VPS37A: variants seen among roughly 807,000 people sequenced by gnomAD.
The protein encoded by VPS37A is VPS37A subunit of ESCRT-I.
VPS37A carries 30 observed loss-of-function variants against 49.8 expected under a neutral mutation model. That is an observed-to-expected ratio of 0.60 (90% CI 0.45 to 0.82). The LOEUF (loss-of-function observed/expected upper bound fraction) is 0.82, where lower values mean the gene tolerates loss of function less well. VPS37A is among the 40% of genes least tolerant of loss of function. VPS37A has a pLI of 0.00. For synonymous variants in VPS37A, 195 were observed against 160.6 expected (o/e 1.21, Z -1.62); for missense variants, 593 against 464.4 (o/e 1.28, Z -2.55).
In VPS37A at chr8:17,280,097, A is replaced by G. The variant is rs972824815; in HGVS notation, c.783A>G (p.Gln261=). ...VLLEQFLTLP[Q]LKQIITDKDD... ...TAGAACAGTTTCTGACTTTGCCTCA[A>G]CTAAAACAAATTATTACCGACAAAG... The change falls in exon 7 of 12, where the codon CAA becomes CAG. Residue 261 remains glutamine, a synonymous_variant. Coordinates refer to ENST00000324849, the MANE Select transcript of VPS37A (RefSeq NM_152415.3). 6.2e-7 allele frequency: 1 copy of G among 1,612,690 alleles called. No individual in the cohort carries two copies. Among genetic ancestry groups the G allele is most frequent in the South Asian group, 1.1e-5 (1 of 90,984 alleles).
the VPS37A span, chr8:17,313,182 G>T: frequency 1.4e-6 from 1 of 702,886 alleles, no homozygotes; most frequent in Non-Finnish European, 2.4e-6. Context: ...TGGCTATCCA[G>T]TCAGTGCAGT....
chr8:17,314,097 A>G, the VPS37A span, among the ~76,000 whole-genome samples: 18 of 152,198 alleles, frequency 1.2e-4, no homozygotes, highest in African/African-American at 3.9e-4. Context: ...ATAATATTAT[A>G]AACCACCAAC....
chr8:17,254,682 G>C (rs1218327037), intron 1 of VPS37A, among the ~76,000 whole-genome samples: 1 of 149,414 alleles, frequency 6.7e-6, no homozygotes, highest in Non-Finnish European at 1.5e-5. Flanking sequence ...CTTTCTGTTT[G>C]TCAGTTTGCT....
chr8:17,287,189 C>T (rs1197947805), intron 11 of VPS37A, among the ~76,000 whole-genome samples: 7 of 152,014 alleles, frequency 4.6e-5, no homozygotes, highest in Non-Finnish European at 1.0e-4. Context: ...AAGAATAGTT[C>T]CCACCCCAAC....
chr8:17,257,498 T>G (rs1812580921), intron 1 of VPS37A, among the ~76,000 whole-genome samples: 1 of 151,728 alleles, frequency 6.6e-6, no homozygotes, highest in South Asian at 2.1e-4. Context: ...TCAGGGGGCG[T>G]TAGGGGAGGG....
At chr8:17,304,646 G>A, downstream of VPS37A, 3 of 907,158 alleles carry the variant, frequency 3.3e-6, no homozygotes, top group South Asian at 5.1e-5. Context: ...TCGATAGCAG[G>A]TAAATGTATC....
At chr8:17,253,863 G>C (rs1269678433) in intron 1 of VPS37A, among the ~76,000 whole-genome samples, 1 of 152,174 alleles carries the variant, frequency 6.6e-6, no homozygotes, top group Non-Finnish European at 1.5e-5. Context: ...AAGTGGATCA[G>C]CATTCTCCAA....
At chr8:17,256,735 C>T in intron 1 of VPS37A, among the ~76,000 whole-genome samples, 1 of 151,882 alleles carries the variant, frequency 6.6e-6, no homozygotes, top group East Asian at 1.9e-4. Context: ...TCACCACAAC[C>T]TCCGCCTCCC....
intron 2 of VPS37A, among the ~76,000 whole-genome samples, chr8:17,266,354 T>C (rs1317253904): frequency 6.6e-6 from 1 of 152,204 alleles, no homozygotes; most frequent in Non-Finnish European, 1.5e-5. Flanking sequence ...AGTTAAAATA[T>C]TCCAAATTTC....
chr8:17,286,426 A>T lies in VPS37A; in HGVS notation c.1193A>T (p.Ter398LeuextTer6). ...CACAGCCAATTTCATGCTCCACTAT[A>T]GGTAAATTGTATTTCAAGTTTGAGT... ...AMHSQFHAPL[*>L] is the part of the protein sequence containing the mutation. Residue 398 changes from the stop codon to leucine, a stop_lost and splice_region_variant, in exon 11 of 12, where the codon TAG becomes TTG. Coordinates refer to ENST00000324849, the MANE Select transcript of VPS37A (RefSeq NM_152415.3). The T allele has an allele frequency of 6.2e-7, 1 of 1,612,898 alleles. No homozygotes were observed. Among genetic ancestry groups the T allele is most frequent in the Non-Finnish European group, 8.5e-7 (1 of 1,179,412 alleles).
At chr8:17,286,488 TG>T in intron 11 of VPS37A, 61 bp downstream of exon 11, 1 of 1,462,868 alleles carries the variant, frequency 6.8e-7, no homozygotes. Context: ...TAAATAGACA[TG>T]TTGTTAACGG....
At chr8:17,326,948 G>C in the VPS37A span, among the ~76,000 whole-genome samples, 2 of 152,170 alleles carry the variant, frequency 1.3e-5, no homozygotes, top group Non-Finnish European at 2.9e-5. Context: ...AGGGAAAAAG[G>C]GAATAACATC....
chr8:17,294,628 C>T (rs537411057), intron 11 of VPS37A, among the ~76,000 whole-genome samples: 8 of 152,260 alleles, frequency 5.3e-5, no homozygotes, highest in Non-Finnish European at 8.8e-5. Context: ...GTGGAAAAAG[C>T]GTAGTTTCTG....
chr8:17,315,049 G>C, the VPS37A span, among the ~76,000 whole-genome samples: 2 of 152,212 alleles, frequency 1.3e-5, no homozygotes, highest in Non-Finnish European at 2.9e-5. Context: ...TGGGTAGTCA[G>C]CCGTGGGCTG....
intron 5 of VPS37A, among the ~76,000 whole-genome samples, chr8:17,275,274 T>C (rs1814413054): frequency 6.6e-6 from 1 of 152,168 alleles, no homozygotes; most frequent in African/African-American, 2.4e-5. Context: ...TTCACCACTT[T>C]CTTAGTGCCT....
chr8:17,266,295 T>TTA (rs767182933), intron 2 of VPS37A, among the ~76,000 whole-genome samples: 1 of 151,850 alleles, frequency 6.6e-6, no homozygotes, highest in Non-Finnish European at 1.5e-5. Flanking sequence ...AACAAAGGGG[T>TTA]TATATATATA....
At chr8:17,332,710 T>A in the VPS37A span, among the ~76,000 whole-genome samples, 1 of 152,246 alleles carries the variant, frequency 6.6e-6, no homozygotes, top group Non-Finnish European at 1.5e-5. Flanking sequence ...GTCGAACCAT[T>A]AAGTCAGAGA....
At chr8:17,261,581 C>G (rs551072514) in intron 1 of VPS37A, among the ~76,000 whole-genome samples, 14 of 152,238 alleles carry the variant, frequency 9.2e-5, no homozygotes, top group South Asian at 2.1e-4. Flanking sequence ...TTCTGGTCTT[C>G]TCTCTCTGGC....
At chr8:17,299,688 CTCTTCAGTA>C, downstream of VPS37A, 1 of 780,208 alleles carries the variant, frequency 1.3e-6, no homozygotes, top group Non-Finnish European at 2.0e-6. Context: ...TGACTACGTC[CTCTTCAGTA>C]TCTAAGAAAT....
Sources: allele counts gnomAD v4.1 joint callset (sites outside exome capture counted in the v4.1 genomes callset), GRCh38; gene constraint gnomAD v4.1.1; transcripts MANE v1.5; gene names NCBI Gene and HGNC (gene_info 2026-07-23, HGNC 2026-07-21).